CHMP6: variants seen among roughly 807,000 people sequenced by gnomAD.
CHMP6 encodes the protein charged multivesicular body protein 6.
In CHMP6, 10 loss-of-function variants were observed where a neutral mutation model predicts 32.8. The ratio of observed to expected loss-of-function variants is 0.30; its 90% CI spans 0.19 to 0.52. The LOEUF (loss-of-function observed/expected upper bound fraction) is 0.52, where lower values mean the gene tolerates loss of function less well. Among genes scored for constraint, CHMP6 ranks in the 20% least tolerant of loss-of-function variants. The pLI, the probability that CHMP6 is intolerant of heterozygous loss-of-function variation, is 0.97. For missense variants in CHMP6, 269 were observed against 263.8 expected (o/e 1.02, Z -0.14); for synonymous variants, 123 against 105.8 (o/e 1.16, Z -1.00).
rs770649694 is a variant in CHMP6 at position 80,991,871 on chromosome 17, C to G, written c.-48C>G. 1 of 1,340,156 alleles carries G rather than the reference C, an allele frequency of 7.5e-7. No individual in the cohort carries two copies. The highest frequency in any genetic ancestry group is 2.7e-5 in the Admixed American group (1 of 36,984). 83.0% of individuals were successfully genotyped at this position (1,340,156 alleles called of 1,614,324 possible). On this transcript the variant is annotated 5_prime_UTR_variant, in exon 1 of 8. Coordinates refer to ENST00000325167, the MANE Select transcript of CHMP6 (RefSeq NM_024591.5). ...CCGAGCTACGGTGGCCGCGGGGCGG[C>G]GGTGGCGATTGGACTTGGTGGGTCC...
At chr17:80,998,512 C>T (rs1175662543) in intron 7 of CHMP6, 92 bp downstream of exon 7, 1 of 1,606,472 alleles carries the variant, frequency 6.2e-7, no homozygotes, top group Admixed American at 1.7e-5. Context: ...CCCAGGCCTT[C>T]CTGGGCCGTG....
At chr17:80,992,579 G>C (rs571550338) in intron 1 of CHMP6, among the ~76,000 whole-genome samples, 1 of 152,218 alleles carries the variant, frequency 6.6e-6, no homozygotes, top group Non-Finnish European at 1.5e-5. Context: ...CCGGGGTCCT[G>C]CCGGGGTCCT....
intron 1 of CHMP6, 86 bp from the exon 2 acceptor site, chr17:80,994,495 G>C (rs138094117): frequency 1.6e-6 from 2 of 1,248,104 alleles, no homozygotes; most frequent in African/African-American, 3.2e-5. Context: ...ACGGAGGGCC[G>C]CCCGGCCTCC....
At chr17:80,993,635 T>C (rs1158599011) in intron 1 of CHMP6, among the ~76,000 whole-genome samples, 3 of 152,204 alleles carry the variant, frequency 2.0e-5, no homozygotes, top group Non-Finnish European at 4.4e-5. Flanking sequence ...CAGCATTGTC[T>C]GAAGTGATGA....
At chr17:80,998,668 C>G in intron 7 of CHMP6, 1 of 1,402,868 alleles carries the variant, frequency 7.1e-7, no homozygotes, top group Non-Finnish European at 9.3e-7. Flanking sequence ...GAAATCAGAA[C>G]TGGGGAAAGG....
At chr17:80,998,816 C>T in intron 7 of CHMP6, 1 of 763,404 alleles carries the variant, frequency 1.3e-6, no homozygotes, top group Non-Finnish European at 2.0e-6. Flanking sequence ...ACCGTCCATC[C>T]ACGTTTGTTC....
chr17:80,992,009 TGGGGCCGGGACAGGCGAC>T (rs2069596267), intron 1 of CHMP6, 28 bp downstream of exon 1: 5 of 1,372,284 alleles, frequency 3.6e-6, no homozygotes, highest in South Asian at 1.6e-5. Context: ...GGGTCAGGGC[TGGGGCCGGGACAGGCGAC>T]GGGGCCGGGG....
chr17:80,993,672 G>C (rs1214995285), intron 1 of CHMP6, among the ~76,000 whole-genome samples: 1 of 152,264 alleles, frequency 6.6e-6, no homozygotes, highest in Non-Finnish European at 1.5e-5. Context: ...GGACCTGATA[G>C]AGCAGGACTG....
At chr17:80,997,114 C>A in intron 5 of CHMP6, 42 bp downstream of exon 5, 1 of 1,609,314 alleles carries the variant, frequency 6.2e-7, no homozygotes, top group South Asian at 1.1e-5. Flanking sequence ...CTGTGAGAAC[C>A]CACAAGGCCA....
At position 80,999,135 on chromosome 17, in the gene CHMP6, G is replaced by A. The variant is rs2069663986; in HGVS notation, c.588G>A (p.Glu196=). Residue 196 remains glutamate (E), a synonymous_variant, in exon 8 of 8, where the codon GAG becomes GAA. Transcript: ENST00000325167. The part of the protein sequence containing the change: ...VPVKARPRQA[E]LVAAS ...TCAAGGCCAGGCCCAGGCAGGCGGA[G>A]CTGGTGGCAGCTTCGTAACGTGGCC... 6.2e-7 allele frequency: 1 copy of A among 1,614,006 alleles called. No homozygotes were observed. The highest frequency in any genetic ancestry group is 1.7e-5 in the Admixed American group (1 of 60,022).
In CHMP6 at chr17:80,999,126, G is replaced by A. The variant is rs780949071; in HGVS notation, c.579G>A (p.Arg193=). The A allele has an allele frequency of 1.9e-6, 3 of 1,614,084 alleles. No homozygotes were observed. In the South Asian group the frequency reaches 3.3e-5, roughly 18 times the overall value. The change falls in exon 8 of 8, where the codon AGG becomes AGA. Residue 193 remains arginine (R), a synonymous_variant. Coordinates refer to ENST00000325167, the MANE Select transcript of CHMP6 (RefSeq NM_024591.5). The part of the protein sequence containing the change: ...PENVPVKARP[R]QAELVAAS ...ACGTCCCTGTCAAGGCCAGGCCCAG[G>A]CAGGCGGAGCTGGTGGCAGCTTCGT...
intron 7 of CHMP6, chr17:80,998,713 A>G: frequency 2.9e-6 from 4 of 1,362,994 alleles, no homozygotes; most frequent in Non-Finnish European, 3.8e-6. Flanking sequence ...CCCAGGGTGT[A>G]GCCCAGGATT....
chr17:80,996,263 G>C (rs929764051), intron 4 of CHMP6, among the ~76,000 whole-genome samples: 1 of 151,926 alleles, frequency 6.6e-6, no homozygotes, highest in Non-Finnish European at 1.5e-5. Context: ...AGGTTGCAGT[G>C]AGATGAGATT....
intron 3 of CHMP6, 64 bp downstream of exon 3, chr17:80,995,170 G>GTGGACA: frequency 6.9e-7 from 1 of 1,455,762 alleles, no homozygotes; most frequent in Non-Finnish European, 9.4e-7. Context: ...GCCCGGCTGC[G>GTGGACA]TGGACATCAG....
chr17:80,995,283 T>C (rs974741236), intron 3 of CHMP6, among the ~76,000 whole-genome samples, 177 bp downstream of exon 3: 1 of 151,978 alleles, frequency 6.6e-6, no homozygotes, highest in African/African-American at 2.4e-5. Context: ...AGGAAGCTAA[T>C]GGTCTTAAGA....
intron 1 of CHMP6, among the ~76,000 whole-genome samples, chr17:80,993,405 T>C (rs1385158113): frequency 6.6e-6 from 1 of 152,176 alleles, no homozygotes; most frequent in Admixed American, 6.5e-5. Flanking sequence ...GCAGTGGGGC[T>C]GGGCAGGGGG....
chr17:80,995,733 A>G lies in CHMP6; in HGVS notation c.323A>G (p.Asn108Ser), dbSNP rs899231371. Reference protein sequence around the residue: ...MKVMEGLQFGNECLNKMHQVM... With the variant: ...MKVMEGLQFGSECLNKMHQVM... Reference sequence around the variant, plus strand: ...GTGATGGAGGGGCTGCAGTTTGGAAATGAGTGTCTGAACAAGATGCACCAG... The same window carrying G: ...GTGATGGAGGGGCTGCAGTTTGGAAGTGAGTGTCTGAACAAGATGCACCAG... Residue 108 changes from asparagine to serine, a missense_variant, in exon 4 of 8, where the codon AAT (asparagine) becomes AGT (serine). By Grantham distance (46) the Asn-to-Ser change is conservative. Coordinates refer to ENST00000325167, the MANE Select transcript of CHMP6 (RefSeq NM_024591.5). The G allele has an allele frequency of 2.4e-5, 38 of 1,613,948 alleles. No homozygotes were observed. The highest frequency in any genetic ancestry group is 3.1e-5 in the Non-Finnish European group (37 of 1,179,962).
chr17:80,995,849 C>T, intron 4 of CHMP6, 91 bp downstream of exon 4: 7 of 1,166,922 alleles, frequency 6.0e-6, no homozygotes, highest in East Asian at 2.4e-5. Flanking sequence ...CCACGGTGTT[C>T]GTGTCAGACA....
chr17:80,997,450 G>A (rs953932871), intron 6 of CHMP6, 109 bp downstream of exon 6: 18 of 642,258 alleles, frequency 2.8e-5, no homozygotes, highest in African/African-American at 4.0e-5. Flanking sequence ...TGTCCTTTAA[G>A]TAAATAGTCT....
Sources: allele counts gnomAD v4.1 joint callset (sites outside exome capture counted in the v4.1 genomes callset), GRCh38; gene constraint gnomAD v4.1.1; transcripts MANE v1.5; gene names NCBI Gene and HGNC (gene_info 2026-07-23, HGNC 2026-07-21).